Variants in SAMD12 observed in about 807,000 individuals in gnomAD.
SAMD12 encodes sterile alpha motif domain-containing protein 12.
SAMD12 carries 9 observed loss-of-function variants against 15.0 expected under a neutral mutation model. The ratio of observed to expected loss-of-function variants is 0.60; its 90% CI spans 0.36 to 1.05. The LOEUF is 1.05. Ranked by LOEUF, SAMD12 falls within the 50% of genes least tolerant of loss-of-function variation. SAMD12 has a pLI of 0.01. For missense variants in SAMD12, 230 were observed against 234.2 expected (o/e 0.98, Z 0.12); for synonymous variants, 86 against 90.1 (o/e 0.96, Z 0.25).
the SAMD12 span, among the ~76,000 whole-genome samples, chr8:118,176,876 G>C: frequency 6.6e-6 from 1 of 152,088 alleles, no homozygotes; most frequent in African/African-American, 2.4e-5. Flanking sequence ...ATTTTCCTCA[G>C]TTTTCCCGTA....
intron 3 of SAMD12, among the ~76,000 whole-genome samples, chr8:118,381,224 G>A (rs1268336245): frequency 6.6e-6 from 1 of 152,172 alleles, no homozygotes; most frequent in Admixed American, 6.5e-5. Context: ...TTGGATGTGC[G>A]GTGGTTGGGG....
intron 2 of SAMD12, among the ~76,000 whole-genome samples, chr8:118,493,803 A>G (rs1824520903): frequency 6.6e-6 from 1 of 152,162 alleles, no homozygotes; most frequent in African/African-American, 2.4e-5. Flanking sequence ...CTGAAATAGG[A>G]GGTGGACACC....
chr8:118,348,407 GTT>G (rs1332468427), intron 4 of SAMD12, among the ~76,000 whole-genome samples: 2 of 150,086 alleles, frequency 1.3e-5, no homozygotes, highest in Non-Finnish European at 3.0e-5. Context: ...GTATCGCTCT[GTT>G]GCCTAGGCTG....
chr8:118,508,504 A>C (rs1410142951), intron 2 of SAMD12, among the ~76,000 whole-genome samples: 1 of 152,192 alleles, frequency 6.6e-6, no homozygotes, highest in Non-Finnish European at 1.5e-5. Context: ...ACTAATAATA[A>C]GCCTTAAGTT....
intron 1 of SAMD12, among the ~76,000 whole-genome samples, chr8:118,595,385 C>T (rs550678756): frequency 1.4e-4 from 21 of 152,294 alleles, no homozygotes; most frequent in East Asian, 1.9e-4. Context: ...AGAATCCACT[C>T]GGAAAGATTA....
rs1365623795 is a variant in SAMD12, at chr8:118,453,040, TTA to T, written c.193-13081_193-13080del. Among the ~76,000 whole-genome samples the T allele has an allele frequency of 2.6e-5, 4 of 152,354 alleles. No individual in the cohort carries two copies. The East Asian group carries it at 7.7e-4, about 29-fold the overall frequency. ...AGTATTACTAATTTTAGTTCATCTA[TTA>T]TTTTTTAACCTTAAATGATGTATTT... On this transcript the variant is annotated intron_variant, in intron 2 of 3. Coordinates refer to ENST00000314727, the MANE Select transcript of SAMD12 (RefSeq NM_207506.3).
intron 2 of SAMD12, among the ~76,000 whole-genome samples, chr8:118,455,328 T>A (rs904498992): frequency 6.6e-6 from 1 of 151,806 alleles, no homozygotes; most frequent in Non-Finnish European, 1.5e-5. Flanking sequence ...GAATGCCTAT[T>A]ACTAAACATT....
intron 3 of SAMD12, among the ~76,000 whole-genome samples, chr8:118,417,204 C>T (rs1158128957): frequency 5.3e-5 from 8 of 152,170 alleles, no homozygotes; most frequent in East Asian, 1.9e-4. Flanking sequence ...CCTCATCCTC[C>T]GGGGTAGCTA....
In SAMD12 at chr8:118,230,193, C is replaced by T. The variant is rs138279048; in HGVS notation, c.434-32461G>A. On this transcript the variant is annotated intron_variant, in intron 4 of 4. Coordinates refer to the SAMD12 transcript ENST00000409003. The stretch of plus-strand genomic sequence containing the variant: ...GCCAGGCACCATGCTAAGCGTTTCA[C>T]TTGAAATTCTCCTCCAGTGCTCACA... 2.1e-3 allele frequency among the ~76,000 whole-genome samples: 322 copies of T among 152,256 alleles called. 2 individuals carry two copies. The highest frequency in any genetic ancestry group is 7.2e-3 in the African/African-American group (298 of 41,554).
chr8:118,534,710 T>C (rs1450105504), intron 2 of SAMD12, among the ~76,000 whole-genome samples: 1 of 152,204 alleles, frequency 6.6e-6, no homozygotes, highest in African/African-American at 2.4e-5. Flanking sequence ...CAATCACTGA[T>C]ACCCTGTCTT....
chr8:118,407,465 A>G (rs925146783), intron 3 of SAMD12, among the ~76,000 whole-genome samples: 3 of 152,302 alleles, frequency 2.0e-5, no homozygotes, highest in Non-Finnish European at 4.4e-5. Flanking sequence ...ATGCATTCTT[A>G]AGGAAAATAA....
At chr8:118,300,073 G>A (rs969767766) in intron 4 of SAMD12, among the ~76,000 whole-genome samples, 11 of 151,704 alleles carry the variant, frequency 7.3e-5, no homozygotes, top group African/African-American at 2.7e-4. Context: ...ATATTTATGG[G>A]GTACACAGTG....
At chr8:118,144,374 T>C in the SAMD12 span, among the ~76,000 whole-genome samples, 1 of 152,226 alleles carries the variant, frequency 6.6e-6, no homozygotes, top group African/African-American at 2.4e-5. Flanking sequence ...GTAATTATTT[T>C]TGACAACCCT....
At chr8:118,410,828 A>T (rs1318028472) in intron 3 of SAMD12, among the ~76,000 whole-genome samples, 1 of 152,190 alleles carries the variant, frequency 6.6e-6, no homozygotes, top group Non-Finnish European at 1.5e-5. Context: ...CAAGGCTACA[A>T]CATTTTGGGG....
intron 1 of SAMD12, among the ~76,000 whole-genome samples, chr8:118,592,952 T>G (rs1343509575): frequency 6.6e-6 from 1 of 152,204 alleles, no homozygotes; most frequent in Non-Finnish European, 1.5e-5. Flanking sequence ...GGTTCTGGTT[T>G]GACTTAATGA....
At chr8:118,322,734 T>A (rs999725591) in intron 4 of SAMD12, among the ~76,000 whole-genome samples, 4 of 152,204 alleles carry the variant, frequency 2.6e-5, no homozygotes, top group Admixed American at 1.3e-4. Flanking sequence ...ATCCAAGTGA[T>A]GGAAGAGACA....
At chr8:118,327,761 G>A (rs1271587505) in intron 4 of SAMD12, among the ~76,000 whole-genome samples, 3 of 152,058 alleles carry the variant, frequency 2.0e-5, no homozygotes, top group Non-Finnish European at 4.4e-5. Flanking sequence ...AGGGTTGAAG[G>A]CCCCAACCTT....
Position 118,436,038 on chromosome 8 carries a change from T to C in SAMD12, c.322+3794A>G, listed in dbSNP as rs76292961. Among the ~76,000 whole-genome samples the C allele has an allele frequency of 8.6e-3, 1,310 of 152,332 alleles. 28 individuals are homozygous for C. Among genetic ancestry groups the C allele is most frequent in the African/African-American group, 0.028 (1,182 of 41,586 alleles). ...AATTATATTGTATTACCCTCTGTTATCTACAACTCACAGAGTTATAAAATT... is the reference window on the plus strand; with the variant it reads ...AATTATATTGTATTACCCTCTGTTACCTACAACTCACAGAGTTATAAAATT... On this transcript the variant is annotated intron_variant, in intron 3 of 3. Coordinates refer to ENST00000314727, the MANE Select transcript of SAMD12 (RefSeq NM_207506.3).
In SAMD12 at chr8:118,548,296, G is replaced by A. The variant is rs543974456; in HGVS notation, c.192+32419C>T. On this transcript the variant is annotated intron_variant, in intron 2 of 3. Coordinates refer to ENST00000314727, the MANE Select transcript of SAMD12 (RefSeq NM_207506.3). ...GGAAGAAAACAAAACAGGCTCCAGT[G>A]GGGTAATAGATATATGATTCCTTCC... 3.3e-5 allele frequency among the ~76,000 whole-genome samples: 5 copies of A among 152,138 alleles called. No homozygotes were observed. In the South Asian group the frequency reaches 1.0e-3, roughly 32 times the overall value.
Sources: allele counts gnomAD v4.1 joint callset (sites outside exome capture counted in the v4.1 genomes callset), GRCh38; gene constraint gnomAD v4.1.1; transcripts MANE v1.5; gene names NCBI Gene and HGNC (gene_info 2026-07-23, HGNC 2026-07-21).